Variants in DNAI3 observed in about 807,000 individuals in gnomAD.
The protein encoded by DNAI3 is WD repeat domain 63.
Under a neutral mutation model 115.5 loss-of-function variants are expected in DNAI3, and 83 were observed. The ratio of observed to expected loss-of-function variants is 0.72; its 90% CI spans 0.60 to 0.86. The LOEUF is 0.86. Among genes scored for constraint, DNAI3 ranks in the 40% least tolerant of loss-of-function variants. DNAI3 has a pLI of 0.00. For synonymous variants in DNAI3, 320 were observed against 347.0 expected, an observed-to-expected ratio of 0.92 and a Z score of 0.86; for missense variants, 1,004 against 1,075.8, an observed-to-expected ratio of 0.93 and a Z score of 0.93.
chr1:85,113,531 T>C (rs1655719737), intron 16 of DNAI3, among the ~76,000 whole-genome samples: 3 of 152,254 alleles, frequency 2.0e-5, no homozygotes, highest in African/African-American at 7.2e-5. Context: ...TGTGAGTCTA[T>C]TTCTAAACTC....
In DNAI3 at chr1:85,097,582, A is replaced by G. The variant is rs1460029565; in HGVS notation, c.1277A>G (p.Asp426Gly). ...GCINGQIVMW[D>G]ITAHADRIEN... ...TTTCCATTTTAGATTGTCATGTGGG[A>G]TATCACCGCACATGCAGATCGCATA... The change falls in exon 12 of 23, where the codon GAT becomes GGT. Residue 426 changes from aspartate to glycine, a missense_variant. Asp to Gly is a moderately conservative substitution (Grantham distance 94). This residue lies in a region of DNAI3 where 550 missense variants were observed against 568.1 expected (regional missense o/e 0.97). Transcript: ENST00000294664. 1.3e-5 allele frequency: 21 copies of G among 1,611,070 alleles called. No homozygotes were observed. Among genetic ancestry groups the G allele is most frequent in the Non-Finnish European group, 1.8e-5 (21 of 1,179,082 alleles).
intron 21 of DNAI3, 63 bp from the exon 22 acceptor site, chr1:85,129,927 G>A: frequency 1.9e-6 from 3 of 1,544,668 alleles, no homozygotes; most frequent in Non-Finnish European, 2.6e-6. Context: ...TTCTAACAGA[G>A]CCTTGTAAAG....
chr1:85,104,138 T>TG lies in DNAI3; in HGVS notation c.1480-383dup, dbSNP rs780490360. 2.1e-4 allele frequency among the ~76,000 whole-genome samples: 30 copies of TG among 142,520 alleles called. 1 individual carries two copies. The highest frequency in any genetic ancestry group is 2.3e-4 in the African/African-American group (9 of 39,180). 93.5% of individuals were successfully genotyped at this position (142,520 alleles called of 152,430 possible). On this transcript the variant is annotated intron_variant, in intron 13 of 22. Coordinates refer to ENST00000294664, the MANE Select transcript of DNAI3 (RefSeq NM_145172.5). Reference sequence around the variant, plus strand: ...GTATGTCCTTTTTTTTTTTTTTTTTTGGGCTGGAGTCTCGCTCTGTCGCCC... The same window carrying TG: ...GTATGTCCTTTTTTTTTTTTTTTTTTGGGGCTGGAGTCTCGCTCTGTCGCCC...
At chr1:85,073,544 A>T (rs1195808182) in intron 3 of DNAI3, among the ~76,000 whole-genome samples, 2 of 152,212 alleles carry the variant, frequency 1.3e-5, no homozygotes, top group Admixed American at 1.3e-4. Flanking sequence ...AAGGCTAAAT[A>T]ATCTTACAAC....
intron 8 of DNAI3, among the ~76,000 whole-genome samples, chr1:85,092,447 A>G (rs1171235068): frequency 6.6e-6 from 1 of 152,170 alleles, no homozygotes; most frequent in Non-Finnish European, 1.5e-5. Flanking sequence ...TACCACACCT[A>G]TATAAAACCA....
chr1:85,128,842 T>C (rs771680090), intron 21 of DNAI3, 43 bp downstream of exon 21: 1 of 1,539,800 alleles, frequency 6.5e-7, no homozygotes, highest in South Asian at 1.2e-5. Flanking sequence ...TGTGACCAGA[T>C]ATTGCTGAGA....
chr1:85,084,410 G>A, intron 5 of DNAI3, 136 bp from the exon 6 acceptor site: 1 of 528,302 alleles, frequency 1.9e-6, no homozygotes, highest in Admixed American at 5.0e-5. Flanking sequence ...TCAAAAGTGT[G>A]AATTGACAAA....
intron 19 of DNAI3, 115 bp downstream of exon 19, chr1:85,124,366 TAGAAC>T (rs1656073061): frequency 7.1e-7 from 1 of 1,412,946 alleles, no homozygotes; most frequent in Non-Finnish European, 9.9e-7. Context: ...TTAGAGAAAT[TAGAAC>T]AGATGGCAGG....
At chr1:85,109,726 A>G (rs1655596666) in intron 15 of DNAI3, among the ~76,000 whole-genome samples, 1 of 152,212 alleles carries the variant, frequency 6.6e-6, no homozygotes, top group African/African-American at 2.4e-5. Context: ...GGTAACAAGT[A>G]ATTATTTTAT....
intron 18 of DNAI3, among the ~76,000 whole-genome samples, chr1:85,122,352 C>T (rs1656016950): frequency 1.3e-5 from 2 of 152,072 alleles, no homozygotes; most frequent in Non-Finnish European, 1.5e-5. Flanking sequence ...ACCTGGGCCT[C>T]TGGAAAGCTG....
In DNAI3 at chr1:85,094,476, G is replaced by A; in HGVS notation, c.1094G>A (p.Arg365Lys). 1 of 1,614,154 alleles carries A rather than the reference G, an allele frequency of 6.2e-7. No individual in the cohort carries two copies. Among genetic ancestry groups the A allele is most frequent in the Middle Eastern group, 1.6e-4 (1 of 6,062 alleles). Residue 365 changes from arginine to lysine, a missense_variant, in exon 10 of 23, where the codon AGA becomes AAA. By Grantham distance (26) the Arg-to-Lys change is conservative (BLOSUM62 2). Transcript: ENST00000294664. ...SVAVRLSFED[R>K]VHFSGKLLLQ... is the part of the protein sequence containing the mutation. ...GCCGTGCGACTTTCTTTTGAAGACA[G>A]AGTTCACTTTTCTGGTAAATTATTG...
chr1:85,085,937 AC>A lies in DNAI3; in HGVS notation c.650del (p.Pro217GlnfsTer18), dbSNP rs1178419074. On this transcript the variant is annotated frameshift_variant, in exon 7 of 23. Transcript: ENST00000294664. LOFTEE classifies it high-confidence loss of function. Reference sequence around the variant, plus strand: ...GATGCCTATATTGAATGTACAGCCTACCCAGATAAAAATTTTACCCTTAAAC... The same window carrying A: ...GATGCCTATATTGAATGTACAGCCTACCAGATAAAAATTTTACCCTTAAAC... ...VKDAYIECTAYPDKNFTLKQL... is the reference protein window; with the variant it reads ...VKDAYIECTAXPDKNFTLKQL... 6.2e-7 allele frequency: 1 copy of A among 1,614,162 alleles called. No homozygotes were observed. The highest frequency in any genetic ancestry group is 1.1e-5 in the South Asian group (1 of 91,082).
chr1:85,133,004 C>G lies in DNAI3; in HGVS notation c.*6C>G. On this transcript the variant is annotated 3_prime_UTR_variant, in exon 23 of 23. Transcript: ENST00000294664. ...CATACATGGAGGTGATGTAAAAAAGCTTCCTGAAGGGGTGTTTTGGGGACT... is the reference window on the plus strand; with the variant it reads ...CATACATGGAGGTGATGTAAAAAAGGTTCCTGAAGGGGTGTTTTGGGGACT... The G allele has an allele frequency of 1.9e-6, 3 of 1,599,888 alleles. No individual in the cohort carries two copies. Among genetic ancestry groups the G allele is most frequent in the South Asian group, 2.3e-5 (2 of 88,884 alleles).
At chr1:85,124,535 T>A (rs1656076396) in intron 19 of DNAI3, among the ~76,000 whole-genome samples, 1 of 152,094 alleles carries the variant, frequency 6.6e-6, no homozygotes, top group Non-Finnish European at 1.5e-5. Context: ...TTCACTGGCA[T>A]TTTTTGGGGG....
At chr1:85,128,125 C>CAAAAAAAAAAAAAA (rs11344833) in intron 20 of DNAI3, among the ~76,000 whole-genome samples, 2 of 64,390 alleles carry the variant, frequency 3.1e-5, no homozygotes, top group Non-Finnish European at 5.6e-5. Context: ...GACCCTGTCT[C>CAAAAAAAAAAAAAA]AAAAAAAAAA....
intron 16 of DNAI3, among the ~76,000 whole-genome samples, chr1:85,111,984 C>T (rs571509056): frequency 7.2e-5 from 11 of 152,218 alleles, no homozygotes; most frequent in African/African-American, 2.2e-4. Context: ...CAGGCCACAA[C>T]GGATCTACTT....
chr1:85,103,581 A>C (rs943597335), intron 13 of DNAI3, among the ~76,000 whole-genome samples: 1 of 152,190 alleles, frequency 6.6e-6, no homozygotes, highest in Non-Finnish European at 1.5e-5. Context: ...TCCGTATATT[A>C]TAAAAGGATT....
At chr1:85,132,671 C>T (rs1656373445) in intron 22 of DNAI3, among the ~76,000 whole-genome samples, 184 bp from the exon 23 acceptor site, 1 of 152,044 alleles carries the variant, frequency 6.6e-6, no homozygotes, top group East Asian at 1.9e-4. Context: ...TCCCCCCACT[C>T]CCTCCTTTCC....
At chr1:85,098,716 T>G in intron 13 of DNAI3, 58 bp downstream of exon 13, 1 of 1,588,136 alleles carries the variant, frequency 6.3e-7, no homozygotes, top group Non-Finnish European at 8.5e-7. Context: ...TCAGATTTTA[T>G]GCAAAGAAGA....
Sources: gnomAD v4.1 joint callset for allele counts (sites outside exome capture counted in the v4.1 genomes callset) on GRCh38, gnomAD v4.1.1 for gene constraint, gnomAD v4.1.1 regional missense constraint, MANE v1.5 for transcripts, NCBI Gene and HGNC (gene_info 2026-07-23, HGNC 2026-07-21) for gene names.